PGAP1: variants seen among roughly 807,000 people sequenced by gnomAD.
PGAP1 encodes GPI inositol-deacylase.
A neutral mutation model predicts 127.0 loss-of-function variants in PGAP1; 76 were observed. The observed-to-expected ratio is 0.60, with a 90% CI of 0.50 to 0.72. PGAP1 has a LOEUF of 0.72. Ranked by LOEUF, PGAP1 falls within the 30% of genes least tolerant of loss-of-function variation. The pLI, the probability that PGAP1 is intolerant of heterozygous loss-of-function variation, is 0.00. For missense variants in PGAP1, 982 were observed against 1,071.3 expected, an observed-to-expected ratio of 0.92 and a Z score of 1.16; for synonymous variants, 362 against 366.5, an observed-to-expected ratio of 0.99 and a Z score of 0.14.
chr2:196,905,353 A>C (rs1202504505), intron 4 of PGAP1, among the ~76,000 whole-genome samples: 2 of 152,220 alleles, frequency 1.3e-5, no homozygotes. Context: ...CAACAAATTT[A>C]AACAACTTCA....
At chr2:196,900,822 G>C (rs945083480) in intron 5 of PGAP1, among the ~76,000 whole-genome samples, 1 of 152,206 alleles carries the variant, frequency 6.6e-6, no homozygotes, top group East Asian at 1.9e-4. Flanking sequence ...AGCTACTCGG[G>C]AGGCTGAGGC....
rs34282392 is a variant in PGAP1, at chr2:196,921,188, T to TA, written c.148-1039dup. Among the ~76,000 whole-genome samples the TA allele has an allele frequency of 2.8e-3, 409 of 144,476 alleles. 2 individuals carry two copies. The highest frequency in any genetic ancestry group is 8.8e-3 in the African/African-American group (349 of 39,546). The allele number at this position is 144,476 out of a possible 152,430, so 94.8% of individuals were successfully genotyped here. On this transcript the variant is annotated intron_variant, in intron 1 of 26. Coordinates refer to ENST00000354764, the MANE Select transcript of PGAP1 (RefSeq NM_024989.4). Reference sequence around the variant, plus strand: ...TGACTAATGAAAACCCTCGTTGTTCTAAAAAAAAAAAAAACACACACACAC... The same window carrying TA: ...TGACTAATGAAAACCCTCGTTGTTCTAAAAAAAAAAAAAAACACACACACAC...
chr2:196,926,175 G>A (rs1337418493), intron 1 of PGAP1, among the ~76,000 whole-genome samples: 1 of 152,046 alleles, frequency 6.6e-6, no homozygotes, highest in East Asian at 1.9e-4. Context: ...CTTGTGCCCA[G>A]GATTTGGGGC....
chr2:196,858,503 C>T (rs114120862), intron 20 of PGAP1, among the ~76,000 whole-genome samples: 1,534 of 151,774 alleles, frequency 0.01, 23 homozygotes, highest in African/African-American at 0.035. Flanking sequence ...ACACAATATA[C>T]CAAAAGCTAT....
At chr2:196,864,798 T>G (rs1255875359) in intron 20 of PGAP1, among the ~76,000 whole-genome samples, 189 bp downstream of exon 20, 6 of 152,158 alleles carry the variant, frequency 3.9e-5, no homozygotes, top group Non-Finnish European at 2.9e-5. Flanking sequence ...AAGAACAGAA[T>G]AGTAGCTACT....
intron 3 of PGAP1, among the ~76,000 whole-genome samples, chr2:196,913,853 A>C (rs902263868): frequency 1.3e-5 from 2 of 152,176 alleles, no homozygotes; most frequent in African/African-American, 2.4e-5. Context: ...AAATGATAAG[A>C]GTGCCTAAAC....
At chr2:196,905,718 C>G (rs1702680677) in intron 4 of PGAP1, among the ~76,000 whole-genome samples, 1 of 149,636 alleles carries the variant, frequency 6.7e-6, no homozygotes, top group African/African-American at 2.5e-5. Flanking sequence ...GAGTGCCAGA[C>G]AGTGGGCGCA....
In PGAP1 at chr2:196,893,197, T is replaced by C; in HGVS notation, c.976A>G (p.Ile326Val). 1 of 1,601,946 alleles carries C rather than the reference T, an allele frequency of 6.2e-7. No homozygotes were observed. Among genetic ancestry groups the C allele is most frequent in the Non-Finnish European group, 8.5e-7 (1 of 1,172,426 alleles). ...KKLSVLYHHF[I>V]RHPSKHFEEN... ...TCAAAATGTTTTGATGGGTGTCTTA[T>C]AAAGTGGTGATACAAAACTGACAGT... is the stretch of plus-strand genomic sequence containing the variant. Residue 326 changes from isoleucine (I) to valine (V), a missense_variant, in exon 8 of 27, where the codon ATA becomes GTA. Ile to Val is a conservative substitution (Grantham distance 29). Transcript: ENST00000354764.
rs895806935 is a variant in PGAP1, at chr2:196,838,248, A to G, written c.*2986T>C. On this transcript the variant is annotated 3_prime_UTR_variant, in exon 27 of 27. Coordinates refer to ENST00000354764, the MANE Select transcript of PGAP1 (RefSeq NM_024989.4). ...TAACTCAATTGCTAAATTAGAAGGC[A>G]TAACAGTTGCTGTAAAAGTTGAGCT... 5 of 152,248 alleles carry G rather than the reference A, an allele frequency of 3.3e-5. No homozygotes were observed. The highest frequency in any genetic ancestry group is 7.2e-5 in the African/African-American group (3 of 41,470). 9.4% of individuals were successfully genotyped at this position (152,248 alleles called of 1,614,324 possible).
At chr2:196,865,909 C>A (rs1701225694) in intron 19 of PGAP1, among the ~76,000 whole-genome samples, 1 of 152,078 alleles carries the variant, frequency 6.6e-6, no homozygotes, top group Non-Finnish European at 1.5e-5. Flanking sequence ...AGGAATACAA[C>A]TTACAAGGGA....
At position 196,885,819 on chromosome 2, in the gene PGAP1, A is replaced by G; in HGVS notation, c.1220+15T>C. ...TTTATGTTGAGATAAATGAACATGC[A>G]TTCAAAAGACTTACCACATAGAAGT... On this transcript the variant is annotated intron_variant, in intron 11 of 26. Coordinates refer to ENST00000354764, the MANE Select transcript of PGAP1 (RefSeq NM_024989.4). The G allele has an allele frequency of 1.4e-6, 2 of 1,398,948 alleles. No homozygotes were observed. The highest frequency in any genetic ancestry group is 2.7e-5 in the East Asian group (1 of 37,438). 86.7% of individuals were successfully genotyped at this position (1,398,948 alleles called of 1,614,324 possible).
intron 13 of PGAP1, among the ~76,000 whole-genome samples, chr2:196,879,420 C>T (rs972347014): frequency 2.0e-5 from 3 of 152,122 alleles, no homozygotes; most frequent in African/African-American, 4.8e-5. Context: ...GTCAGCCAGG[C>T]GCGGTGGCTC....
chr2:196,872,644 T>A (rs1199613406), intron 17 of PGAP1, 95 bp from the exon 18 acceptor site: 7 of 819,784 alleles, frequency 8.5e-6, no homozygotes, highest in Admixed American at 2.5e-5. Flanking sequence ...CTGAATAATG[T>A]AGAGGAAGCT....
At chr2:196,902,420 C>CAT (rs1702527747) in intron 5 of PGAP1, among the ~76,000 whole-genome samples, 165 bp downstream of exon 5, 1 of 152,154 alleles carries the variant, frequency 6.6e-6, no homozygotes, top group African/African-American at 2.4e-5. Flanking sequence ...TTCATTTTCT[C>CAT]TCTTTCTCTC....
intron 19 of PGAP1, among the ~76,000 whole-genome samples, chr2:196,866,431 G>A (rs1020142425): frequency 2.0e-5 from 3 of 152,138 alleles, no homozygotes; most frequent in African/African-American, 7.2e-5. Flanking sequence ...GCAGAAAACT[G>A]AAACTGGACC....
At chr2:196,903,748 G>C (rs1286209077) in intron 4 of PGAP1, among the ~76,000 whole-genome samples, 1 of 152,106 alleles carries the variant, frequency 6.6e-6, no homozygotes, top group Non-Finnish European at 1.5e-5. Context: ...ATTGTAACAA[G>C]TACTTCAAAG....
chr2:196,890,214 CG>C (rs1208752321), intron 10 of PGAP1, among the ~76,000 whole-genome samples: 10 of 152,228 alleles, frequency 6.6e-5, no homozygotes, highest in African/African-American at 2.4e-4. Flanking sequence ...GGATTACAGA[CG>C]TGAGCCACCA....
intron 10 of PGAP1, among the ~76,000 whole-genome samples, chr2:196,888,838 G>C (rs1702002688): frequency 6.6e-6 from 1 of 151,958 alleles, no homozygotes; most frequent in African/African-American, 2.4e-5. Flanking sequence ...AATCCTTATA[G>C]GAAAACATAC....
intron 12 of PGAP1, among the ~76,000 whole-genome samples, chr2:196,884,656 G>A (rs900029021): frequency 6.6e-6 from 1 of 152,054 alleles, no homozygotes; most frequent in African/African-American, 2.4e-5. Context: ...TGAAATAATT[G>A]GAAACCACCA....
Sources: gnomAD v4.1 joint callset for allele counts (sites outside exome capture counted in the v4.1 genomes callset) on GRCh38, gnomAD v4.1.1 for gene constraint, MANE v1.5 for transcripts, NCBI Gene and HGNC (gene_info 2026-07-23, HGNC 2026-07-21) for gene names.